PLXNA4: variants seen among roughly 807,000 people sequenced by gnomAD.
The protein encoded by PLXNA4 is plexin-A4.
PLXNA4 carries 44 observed loss-of-function variants against 191.8 expected under a neutral mutation model. That is an observed-to-expected ratio of 0.23 (90% CI 0.18 to 0.29). The LOEUF (loss-of-function observed/expected upper bound fraction) is 0.29. PLXNA4 is among the 10% of genes least tolerant of loss of function. PLXNA4 has a pLI of 1.00. For missense variants in PLXNA4, 1,800 were observed against 2,488.8 expected, an observed-to-expected ratio of 0.72 and a Z score of 5.89; for synonymous variants, 1,082 against 1,009.5, an observed-to-expected ratio of 1.07 and a Z score of -1.36.
At chr7:132,576,745 C>T (rs1802258298), upstream of PLXNA4, 2 of 338,318 alleles carry the variant, frequency 5.9e-6, no homozygotes, top group Non-Finnish European at 8.4e-6. This position sits in a 1 kb window ranked among gnomAD's most constrained non-coding sequence, Gnocchi z 5.8. Context: ...AGCCCCGGAG[C>T]CCGAGCAGCG....
At chr7:132,498,373 A>G (rs1464940370) in intron 2 of PLXNA4, among the ~76,000 whole-genome samples, 2 of 152,216 alleles carry the variant, frequency 1.3e-5, no homozygotes, top group Non-Finnish European at 2.9e-5. Flanking sequence ...CAATCATGGC[A>G]GAAGGCAAGG....
At position 132,551,662 on chromosome 7, in the gene PLXNA4, G is replaced by T. The variant is rs1026566250; in HGVS notation, c.-87+24760C>A. The stretch of plus-strand genomic sequence containing the variant: ...CCTCTAGTTTCCCCACCCCAATATT[G>T]CAGTGTCTATGATCACTGAAGGAAA... On this transcript the variant is annotated intron_variant, in intron 1 of 31. Transcript: ENST00000321063. Among the ~76,000 whole-genome samples the T allele has an allele frequency of 2.0e-5, 3 of 152,182 alleles. No individual in the cohort carries two copies. In the East Asian group the frequency reaches 5.8e-4, roughly 29 times the overall value.
intron 3 of PLXNA4, among the ~76,000 whole-genome samples, chr7:132,327,411 G>A (rs1038739974): frequency 6.6e-6 from 1 of 152,142 alleles, no homozygotes; most frequent in Non-Finnish European, 1.5e-5. Flanking sequence ...AAGGTTCAGG[G>A]AAGGTCATAA....
intron 25 of PLXNA4, among the ~76,000 whole-genome samples, chr7:132,151,922 T>C (rs1399093): frequency 0.11 from 16,038 of 152,232 alleles, 2,822 homozygotes; most frequent in African/African-American, 0.37. Context: ...CACTCTTCTC[T>C]ACCCAAATTC....
In PLXNA4 at chr7:132,148,575, A is replaced by C. The variant is rs1292160615; in HGVS notation, c.4732T>G (p.Trp1578Gly). 1 of 1,613,858 alleles carries C rather than the reference A, an allele frequency of 6.2e-7. No individual in the cohort carries two copies. Among genetic ancestry groups the C allele is most frequent in the South Asian group, 1.1e-5 (1 of 91,034 alleles). The stretch of plus-strand genomic sequence containing the variant: ...TGGGCCAGTGTGTTCAGTCGCTTCC[A>C]ATCATTCTCAATCTTGGTGGTGATG... ...EDITTKIEND[W>G]KRLNTLAHYQ... The change falls in exon 26 of 32, where the codon TGG becomes GGG. Residue 1578 changes from tryptophan (W) to glycine (G), a missense_variant. Trp to Gly is a radical substitution (Grantham distance 184). Coordinates refer to ENST00000321063, the MANE Select transcript of PLXNA4 (RefSeq NM_020911.2).
At chr7:132,194,778 G>A (rs1380054179) in intron 13 of PLXNA4, among the ~76,000 whole-genome samples, 1 of 152,072 alleles carries the variant, frequency 6.6e-6, no homozygotes, top group Non-Finnish European at 1.5e-5. Flanking sequence ...TACAAAATTT[G>A]TTTATACCCT....
intron 2 of PLXNA4, among the ~76,000 whole-genome samples, chr7:132,616,921 C>T (rs901330216): frequency 6.6e-6 from 1 of 152,136 alleles, no homozygotes; most frequent in African/African-American, 2.4e-5. Context: ...GGCTGCATCA[C>T]TTGCTCTGTC....
intron 1 of PLXNA4, among the ~76,000 whole-genome samples, chr7:132,525,834 C>G (rs1404328303): frequency 6.6e-6 from 1 of 152,198 alleles, no homozygotes; most frequent in Non-Finnish European, 1.5e-5. Context: ...CATCACCCTC[C>G]TGGGGAGCCA....
chr7:132,145,313 C>T (rs745405216), intron 28 of PLXNA4, 25 bp from the exon 29 acceptor site: 8 of 1,612,646 alleles, frequency 5.0e-6, no homozygotes, highest in African/African-American at 4.0e-5. Flanking sequence ...TACGTCCAGA[C>T]ACAGCTCGAC....
chr7:132,149,461 C>T (rs940055753), intron 25 of PLXNA4, among the ~76,000 whole-genome samples: 4 of 152,094 alleles, frequency 2.6e-5, no homozygotes, highest in African/African-American at 4.8e-5. Context: ...ATTCTTATCT[C>T]GAAATGTACA....
At chr7:132,498,330 G>A (rs1309961429) in intron 2 of PLXNA4, among the ~76,000 whole-genome samples, 1 of 152,252 alleles carries the variant, frequency 6.6e-6, no homozygotes, top group East Asian at 1.9e-4. Flanking sequence ...AAGTTTGATG[G>A]ACTTACATTT....
At position 132,182,139 on chromosome 7, in the gene PLXNA4, G is replaced by A; in HGVS notation, c.3210C>T (p.Asn1070=). The A allele has an allele frequency of 6.2e-7, 1 of 1,614,190 alleles. No homozygotes were observed. Among genetic ancestry groups the A allele is most frequent in the Non-Finnish European group, 8.5e-7 (1 of 1,180,044 alleles). Residue 1070 remains asparagine, a synonymous_variant, in exon 17 of 32, where the codon AAC becomes AAT. Transcript: ENST00000321063. The part of the protein sequence containing the change: ...VWGTHLDLIQ[N]PQIRAKHGGK... ...CTCCATGCTTGGCACGGATCTGGGGGTTCTGTATGAGGTCCAGGTGGGTCC... is the reference window on the plus strand; with the variant it reads ...CTCCATGCTTGGCACGGATCTGGGGATTCTGTATGAGGTCCAGGTGGGTCC...
At chr7:132,466,105 A>G (rs575215857) in intron 3 of PLXNA4, among the ~76,000 whole-genome samples, 1 of 152,322 alleles carries the variant, frequency 6.6e-6, no homozygotes, top group East Asian at 1.9e-4. Context: ...GCTGGAAGCC[A>G]TCAGCCAGCT....
intron 1 of PLXNA4, among the ~76,000 whole-genome samples, chr7:132,536,212 C>G (rs1013881750): frequency 1.3e-5 from 2 of 152,176 alleles, no homozygotes; most frequent in Non-Finnish European, 2.9e-5. Context: ...ATAGTAGCTG[C>G]TGTATTGGTG....
Position 132,486,627 on chromosome 7 carries a change from C to G in PLXNA4, c.1371+2665G>C, listed in dbSNP as rs528920329. On this transcript the variant is annotated intron_variant, in intron 3 of 31. Transcript: ENST00000321063. ...CCGAAGGCTCATTCCCCCCAACTGA[C>G]CCTTGCGCTCTTACCTTTCAAATGT... 5.9e-4 allele frequency among the ~76,000 whole-genome samples: 90 copies of G among 152,356 alleles called. 1 individual carries two copies. The highest frequency in any genetic ancestry group is 2.1e-3 in the African/African-American group (87 of 41,592).
intron 25 of PLXNA4, among the ~76,000 whole-genome samples, chr7:132,154,471 A>T (rs1031900565): frequency 6.6e-6 from 1 of 152,044 alleles, no homozygotes; most frequent in South Asian, 2.1e-4. Flanking sequence ...GCTTAAAAGA[A>T]GAAGTTCCTG....
chr7:132,633,845 G>A (rs558885677), intron 2 of PLXNA4, among the ~76,000 whole-genome samples: 3 of 151,920 alleles, frequency 2.0e-5, no homozygotes, highest in Admixed American at 6.6e-5. Context: ...CCTGTGATTC[G>A]CCTCCTCCCA....
At chr7:132,265,892 G>A (rs1799833296) in intron 4 of PLXNA4, among the ~76,000 whole-genome samples, 1 of 152,210 alleles carries the variant, frequency 6.6e-6, no homozygotes, top group South Asian at 2.1e-4. Flanking sequence ...TAATGCCGAA[G>A]AGCAGGGGAA....
At chr7:132,336,762 T>C (rs1227422119) in intron 3 of PLXNA4, among the ~76,000 whole-genome samples, 4 of 152,258 alleles carry the variant, frequency 2.6e-5, no homozygotes, top group Non-Finnish European at 1.5e-5. Context: ...ATCTTGCTTT[T>C]CAGCAAAAAC....
Sources: gnomAD v4.1 joint callset for allele counts (sites outside exome capture counted in the v4.1 genomes callset) on GRCh38, gnomAD v4.1.1 for gene constraint, Gnocchi (gnomAD v3.1) non-coding constraint, MANE v1.5 for transcripts, NCBI Gene and HGNC (gene_info 2026-07-23, HGNC 2026-07-21) for gene names.